Variants in CRTC1 observed in about 807,000 individuals in gnomAD.
CRTC1 encodes the protein CREB-regulated transcription coactivator 1.
CRTC1 carries 18 observed loss-of-function variants against 66.1 expected under a neutral mutation model. The observed-to-expected ratio is 0.27, with a 90% CI of 0.19 to 0.40. The LOEUF is 0.40. Ranked by LOEUF, CRTC1 falls within the 10% of genes least tolerant of loss-of-function variation. The pLI is 1.00. For synonymous variants in CRTC1, 416 were observed against 398.8 expected (o/e 1.04, Z -0.51); for missense variants, 669 against 887.9 (o/e 0.75, Z 3.13).
chr19:18,694,111 G>T (rs2052923563), intron 1 of CRTC1, among the ~76,000 whole-genome samples: 1 of 146,314 alleles, frequency 6.8e-6, no homozygotes, highest in East Asian at 2.1e-4. Flanking sequence ...CCCAGCCTGG[G>T]TAACAGAGCG....
intron 1 of CRTC1, among the ~76,000 whole-genome samples, chr19:18,701,781 A>AT (rs1167570132): frequency 6.2e-5 from 9 of 146,034 alleles, no homozygotes; most frequent in South Asian, 2.2e-4. Flanking sequence ...AATGTTTTTT[A>AT]TTTTTTTTGT....
At chr19:18,747,951 C>T (rs886676748) in intron 4 of CRTC1, among the ~76,000 whole-genome samples, 2 of 152,020 alleles carry the variant, frequency 1.3e-5, no homozygotes, top group African/African-American at 4.8e-5. Context: ...GTAGTGCACG[C>T]CTGTACTCCC....
chr19:18,704,325 G>A (rs908974465), intron 1 of CRTC1, among the ~76,000 whole-genome samples: 3 of 152,092 alleles, frequency 2.0e-5, no homozygotes, highest in African/African-American at 7.2e-5. Context: ...CCAGGCTCAA[G>A]TGATCCACCC....
At chr19:18,731,806 GC>G (rs1476275909) in intron 1 of CRTC1, among the ~76,000 whole-genome samples, 1 of 152,174 alleles carries the variant, frequency 6.6e-6, no homozygotes, top group Non-Finnish European at 1.5e-5. Flanking sequence ...CTGCCTGGCT[GC>G]CCCGGGGGGT....
chr19:18,690,467 G>A (rs1165182811), intron 1 of CRTC1, among the ~76,000 whole-genome samples: 1 of 152,104 alleles, frequency 6.6e-6, no homozygotes, highest in Non-Finnish European at 1.5e-5. Context: ...AACAAAAGGT[G>A]GGGCAAGCTG....
intron 1 of CRTC1, among the ~76,000 whole-genome samples, chr19:18,711,154 C>A (rs1400804526): frequency 6.6e-6 from 1 of 152,180 alleles, no homozygotes; most frequent in Non-Finnish European, 1.5e-5. Flanking sequence ...CATGCGGCAT[C>A]CTAGCACTGA....
intron 1 of CRTC1, among the ~76,000 whole-genome samples, chr19:18,722,024 C>T (rs1017479696): frequency 2.6e-5 from 4 of 152,182 alleles, no homozygotes; most frequent in Non-Finnish European, 5.9e-5. Context: ...ACCGTGCAGC[C>T]GGGGTCTCAG....
At chr19:18,727,103 G>A (rs891628164) in intron 1 of CRTC1, among the ~76,000 whole-genome samples, 1 of 151,942 alleles carries the variant, frequency 6.6e-6, no homozygotes, top group African/African-American at 2.4e-5. Flanking sequence ...GAAAATAATT[G>A]GCCAGGCTTG....
At chr19:18,724,942 G>T (rs2053712569) in intron 1 of CRTC1, among the ~76,000 whole-genome samples, 1 of 151,722 alleles carries the variant, frequency 6.6e-6, no homozygotes, top group South Asian at 2.1e-4. Flanking sequence ...GGTTGCCTTG[G>T]CAGTTCCCTA....
intron 4 of CRTC1, among the ~76,000 whole-genome samples, chr19:18,749,375 T>C (rs752356102): frequency 1.3e-5 from 2 of 152,174 alleles, no homozygotes; most frequent in Non-Finnish European, 2.9e-5. Flanking sequence ...TGGAGGCTCA[T>C]ACCCCAAGGC....
At chr19:18,727,338 T>G (rs577412106) in intron 1 of CRTC1, among the ~76,000 whole-genome samples, 1 of 151,642 alleles carries the variant, frequency 6.6e-6, no homozygotes, top group South Asian at 2.1e-4. Flanking sequence ...TCCGAGCACT[T>G]TGGTAGGCCG....
chr19:18,777,884 C>A lies in CRTC1; in HGVS notation c.*502C>A, dbSNP rs868691142. 1.9e-5 allele frequency: 5 copies of A among 263,828 alleles called. 1 individual carries two copies. The South Asian group carries it at 3.1e-4, about 16-fold the overall frequency. 16.3% of individuals were successfully genotyped at this position (263,828 alleles called of 1,614,324 possible). ...GTGGTCAGGTAGAGAGTGAGCCCCA[C>A]GCCGCCCCAGGGAGGAGGCGCCAGA... is the stretch of plus-strand genomic sequence containing the variant. On this transcript the variant is annotated 3_prime_UTR_variant, in exon 14 of 14. Coordinates refer to ENST00000321949, the MANE Select transcript of CRTC1 (RefSeq NM_015321.3). The surrounding 1 kb of genome is among the most constrained non-coding windows in gnomAD (Gnocchi z 5.5).
Position 18,775,871 on chromosome 19 carries a change from C to G in CRTC1, c.1693+50C>G, listed in dbSNP as rs755008655. 4 of 1,502,444 alleles carry G rather than the reference C, an allele frequency of 2.7e-6. No individual in the cohort carries two copies. In the Admixed American group the frequency reaches 9.3e-5, roughly 35 times the overall value. 93.1% of individuals were successfully genotyped at this position (1,502,444 alleles called of 1,614,324 possible). Reference sequence around the variant, plus strand: ...TGCGGCGCCCCAAGGGGCCTCAGCCCGTGCGGAGACAGCCAGAGACTGCTG... The same window carrying G: ...TGCGGCGCCCCAAGGGGCCTCAGCCGGTGCGGAGACAGCCAGAGACTGCTG... On this transcript the variant is annotated intron_variant, in intron 13 of 13. Transcript: ENST00000321949.
intron 1 of CRTC1, among the ~76,000 whole-genome samples, chr19:18,713,067 T>C (rs1023809396): frequency 6.6e-6 from 1 of 150,944 alleles, no homozygotes; most frequent in Non-Finnish European, 1.5e-5. Context: ...TGGATTTGCC[T>C]GTTCTGGACA....
intron 1 of CRTC1, among the ~76,000 whole-genome samples, chr19:18,720,787 C>G (rs1237570617): frequency 6.6e-6 from 1 of 152,152 alleles, no homozygotes; most frequent in Non-Finnish European, 1.5e-5. Context: ...CAGGTGTGAG[C>G]TGCTGCACCC....
At position 18,712,770 on chromosome 19, in the gene CRTC1, G is replaced by A. The variant is rs1001667248; in HGVS notation, c.126+28942G>A. On this transcript the variant is annotated intron_variant, in intron 1 of 13. Coordinates refer to ENST00000321949, the MANE Select transcript of CRTC1 (RefSeq NM_015321.3). Reference sequence around the variant, plus strand: ...AGGTCAGGAGTTTGAGACCAGCCTGGCCAACATGGCAAAACTCTGTCTCTA... The same window carrying A: ...AGGTCAGGAGTTTGAGACCAGCCTGACCAACATGGCAAAACTCTGTCTCTA... Among the ~76,000 whole-genome samples the A allele has an allele frequency of 4.6e-5, 7 of 151,602 alleles. No homozygotes were observed. The South Asian group carries it at 8.5e-4, about 18-fold the overall frequency.
rs36070283 is a variant in CRTC1, at chr19:18,765,448, G to A, written c.931G>A (p.Val311Ile). 0.084 allele frequency: 135,588 copies of A among 1,612,546 alleles called. 6,468 individuals are homozygous for A. The highest frequency in any genetic ancestry group is 0.096 in the Non-Finnish European group (113,757 of 1,179,710). ...GSSPQHRPAGVSPLSLSTEAR... is the reference protein window; with the variant it reads ...GSSPQHRPAGISPLSLSTEAR... ...CTCTCCACAGCACCGCCCAGCTGGC[G>A]TCAGCCCCCTGTCCCTGAGCACAGA... The change falls in exon 9 of 14, where the codon GTC becomes ATC. Residue 311 changes from valine (V) to isoleucine (I), a missense_variant. Coordinates refer to ENST00000321949, the MANE Select transcript of CRTC1 (RefSeq NM_015321.3).
intron 1 of CRTC1, among the ~76,000 whole-genome samples, chr19:18,685,357 G>GAA (rs200761111): frequency 3.4e-5 from 5 of 148,328 alleles, no homozygotes; most frequent in Non-Finnish European, 6.0e-5. Context: ...ATGAATGAAT[G>GAA]AAAAAAAAAT....
intron 5 of CRTC1, 82 bp downstream of exon 5, chr19:18,749,957 T>C: frequency 9.1e-7 from 1 of 1,101,380 alleles, no homozygotes; most frequent in Non-Finnish European, 1.4e-6. Flanking sequence ...GGTCACAAGC[T>C]TGTGGGCAGA....
Sources: gnomAD v4.1 joint callset for allele counts (sites outside exome capture counted in the v4.1 genomes callset) on GRCh38, gnomAD v4.1.1 for gene constraint, Gnocchi (gnomAD v3.1) non-coding constraint, MANE v1.5 for transcripts, NCBI Gene and HGNC (gene_info 2026-07-23, HGNC 2026-07-21) for gene names.